RAB18: variants seen among roughly 807,000 people sequenced by gnomAD.
The protein encoded by RAB18 is ras-related protein Rab-18.
RAB18 carries 10 observed loss-of-function variants against 28.5 expected under a neutral mutation model. The ratio of observed to expected loss-of-function variants is 0.35; its 90% CI spans 0.22 to 0.60. The LOEUF is 0.60. Among genes scored for constraint, RAB18 ranks in the 20% least tolerant of loss-of-function variants. The pLI is 0.78. For synonymous variants in RAB18, 93 were observed against 86.9 expected (o/e 1.07, Z -0.39); for missense variants, 188 against 244.2 (o/e 0.77, Z 1.53).
At chr10:27,509,115 A>T (rs1195960094) in intron 1 of RAB18, among the ~76,000 whole-genome samples, 1 of 152,074 alleles carries the variant, frequency 6.6e-6, no homozygotes, top group Non-Finnish European at 1.5e-5. Flanking sequence ...CTTTCTTTCT[A>T]GTTTCTTACC....
chr10:27,506,457 A>C (rs1435548280), intron 1 of RAB18, among the ~76,000 whole-genome samples: 1 of 151,892 alleles, frequency 6.6e-6, no homozygotes, highest in African/African-American at 2.4e-5. Context: ...GAGTAGCTGG[A>C]CTATAGGCAC....
At chr10:27,526,425 C>CT (rs1285935247) in intron 2 of RAB18, among the ~76,000 whole-genome samples, 2 of 152,130 alleles carry the variant, frequency 1.3e-5, no homozygotes, top group African/African-American at 4.8e-5. Flanking sequence ...GGACAGCACT[C>CT]TTAACAGTAG....
intron 2 of RAB18, among the ~76,000 whole-genome samples, chr10:27,520,716 A>G (rs990210713): frequency 6.6e-5 from 10 of 151,986 alleles, no homozygotes; most frequent in Admixed American, 5.2e-4. Flanking sequence ...CAGGAGGTCG[A>G]GATCTGTCTG....
rs569437237 is a variant in RAB18, at chr10:27,536,088, A to T, written c.446-1788A>T. ...CAGAGCGAGACTCTGTCTCAAAAAA[A>T]AAAAAAGAGAGCAATCAGAGATAAC... is the stretch of plus-strand genomic sequence containing the variant. On this transcript the variant is annotated intron_variant, in intron 6 of 6. Coordinates refer to ENST00000356940, the MANE Select transcript of RAB18 (RefSeq NM_021252.5). Among the ~76,000 whole-genome samples the T allele has an allele frequency of 1.3e-4, 20 of 152,016 alleles. No individual in the cohort carries two copies. The South Asian group carries it at 3.7e-3, about 28-fold the overall frequency.
At chr10:27,505,482 C>T (rs1006918255) in intron 1 of RAB18, among the ~76,000 whole-genome samples, 5 of 152,180 alleles carry the variant, frequency 3.3e-5, no homozygotes, top group African/African-American at 1.2e-4. Flanking sequence ...TTGTAAAAGT[C>T]ACTTCATAAA....
intron 2 of RAB18, among the ~76,000 whole-genome samples, chr10:27,523,250 C>T (rs1407041109): frequency 1.5e-4 from 20 of 136,040 alleles, no homozygotes; most frequent in African/African-American, 2.7e-4. Flanking sequence ...ATGATGTCTC[C>T]GAGTTTTTCT....
intron 3 of RAB18, 36 bp downstream of exon 3, chr10:27,526,925 A>T: frequency 6.3e-7 from 1 of 1,586,388 alleles, no homozygotes; most frequent in Non-Finnish European, 8.7e-7. Context: ...AAAATATTAA[A>T]CTTTACTTTT....
intron 1 of RAB18, among the ~76,000 whole-genome samples, chr10:27,505,652 C>T (rs1019333132): frequency 4.6e-5 from 7 of 152,118 alleles, no homozygotes; most frequent in African/African-American, 1.7e-4. Context: ...CTCCGCCTCC[C>T]GGGTTCAAGC....
At position 27,533,761 on chromosome 10, in the gene RAB18, T is replaced by A. The variant is rs754972070; in HGVS notation, c.286T>A (p.Phe96Ile). ...LVYDVTRRDT[F>I]VKLDNWLNEL... ...TTATGATGTCACAAGAAGAGATACA[T>A]TTGTTAAACTGGATAATTGGTTAAA... Residue 96 changes from phenylalanine to isoleucine, a missense_variant, in exon 5 of 7, where the codon TTT (phenylalanine) becomes ATT (isoleucine). Phe to Ile is a conservative substitution (Grantham distance 21, BLOSUM62 0). Coordinates refer to ENST00000356940, the MANE Select transcript of RAB18 (RefSeq NM_021252.5). 1 of 1,613,638 alleles carries A rather than the reference T, an allele frequency of 6.2e-7. No homozygotes were observed. The highest frequency in any genetic ancestry group is 1.3e-5 in the African/African-American group (1 of 75,034).
At chr10:27,534,963 G>A (rs1834863085) in intron 6 of RAB18, among the ~76,000 whole-genome samples, 1 of 152,226 alleles carries the variant, frequency 6.6e-6, no homozygotes, top group African/African-American at 2.4e-5. Context: ...AGATGTAACA[G>A]TGGACAAAAC....
chr10:27,516,332 G>A (rs557731142), intron 2 of RAB18, among the ~76,000 whole-genome samples: 1 of 152,068 alleles, frequency 6.6e-6, no homozygotes, highest in Non-Finnish European at 1.5e-5. Context: ...GAGGCAGGTG[G>A]ATCACTGAAG....
At chr10:27,528,806 T>C (rs1338891736) in intron 3 of RAB18, among the ~76,000 whole-genome samples, 1 of 151,692 alleles carries the variant, frequency 6.6e-6, no homozygotes, top group Non-Finnish European at 1.5e-5. Context: ...CCAAAAAGCC[T>C]TTTTTTTCAG....
chr10:27,521,743 C>T (rs1485857557), intron 2 of RAB18, among the ~76,000 whole-genome samples: 1 of 152,078 alleles, frequency 6.6e-6, no homozygotes, highest in Non-Finnish European at 1.5e-5. Context: ...ACATTGGGTA[C>T]AGTGCACACT....
In RAB18 at chr10:27,538,745, T is replaced by G. The variant is rs1335195992; in HGVS notation, c.*694T>G. 2.2e-6 allele frequency: 1 copy of G among 454,124 alleles called. No homozygotes were observed. The highest frequency in any genetic ancestry group is 2.0e-5 in the African/African-American group (1 of 50,128). 28.1% of individuals were successfully genotyped at this position (454,124 alleles called of 1,614,324 possible). Reference sequence around the variant, plus strand: ...ACATTGGATTCATGACTGTGCAGCATTTTTAGTTATGTGGTGTTTGGCAGA... The same window carrying G: ...ACATTGGATTCATGACTGTGCAGCAGTTTTAGTTATGTGGTGTTTGGCAGA... On this transcript the variant is annotated 3_prime_UTR_variant, in exon 7 of 7. Coordinates refer to ENST00000356940, the MANE Select transcript of RAB18 (RefSeq NM_021252.5).
chr10:27,507,457 G>C (rs1837869528), intron 1 of RAB18, among the ~76,000 whole-genome samples: 6 of 151,906 alleles, frequency 3.9e-5, no homozygotes, highest in Admixed American at 3.9e-4. Context: ...GCCTGGTAAG[G>C]TAAAGAGTAG....
chr10:27,526,982 G>T (rs942457201), intron 3 of RAB18, 93 bp downstream of exon 3: 3 of 1,301,272 alleles, frequency 2.3e-6, no homozygotes, highest in Non-Finnish European at 3.3e-6. Context: ...GGTGGTGAAT[G>T]AACAATTTGT....
chr10:27,515,250 ATTAG>A (rs908107941), intron 2 of RAB18, among the ~76,000 whole-genome samples: 24 of 152,150 alleles, frequency 1.6e-4, no homozygotes, highest in Admixed American at 7.2e-4. Flanking sequence ...TCCTGTAGAA[ATTAG>A]TTATACTAAT....
At chr10:27,522,572 T>G (rs1211843673) in intron 2 of RAB18, among the ~76,000 whole-genome samples, 2 of 152,146 alleles carry the variant, frequency 1.3e-5, no homozygotes, top group Admixed American at 1.3e-4. Flanking sequence ...CTTCTGCCAT[T>G]TTGCTATTTA....
At chr10:27,504,958 A>T (rs762397625) in intron 1 of RAB18, 5 of 532,916 alleles carry the variant, frequency 9.4e-6, no homozygotes, top group South Asian at 7.0e-5. Context: ...CTTAATGTCG[A>T]TTCTTTTACT....
Sources: allele counts gnomAD v4.1 joint callset (sites outside exome capture counted in the v4.1 genomes callset), GRCh38; gene constraint gnomAD v4.1.1; transcripts MANE v1.5; gene names NCBI Gene and HGNC (gene_info 2026-07-23, HGNC 2026-07-21).